The following SORCS1 variants were observed in gnomAD, a reference collection of about 807,000 sequenced individuals.
SORCS1 encodes the protein VPS10 domain-containing receptor SorCS1.
SORCS1 carries 60 observed loss-of-function variants against 146.1 expected under a neutral mutation model. The ratio of observed to expected loss-of-function variants is 0.41; its 90% CI spans 0.33 to 0.51. The LOEUF is 0.51. SORCS1 is among the 20% of genes least tolerant of loss of function. SORCS1 has a pLI of 0.21. For missense variants in SORCS1, 1,352 were observed against 1,487.6 expected, an observed-to-expected ratio of 0.91 and a Z score of 1.50; for synonymous variants, 637 against 584.0, an observed-to-expected ratio of 1.09 and a Z score of -1.31.
chr10:107,012,506 T>C (rs1345055334), intron 1 of SORCS1, among the ~76,000 whole-genome samples: 1 of 152,184 alleles, frequency 6.6e-6, no homozygotes. Flanking sequence ...ATATTAACTT[T>C]TATTTTCACC....
At chr10:107,006,218 G>A (rs569598148) in intron 1 of SORCS1, among the ~76,000 whole-genome samples, 1 of 152,252 alleles carries the variant, frequency 6.6e-6, no homozygotes, top group East Asian at 1.9e-4. Context: ...CAGGAGAGAG[G>A]GAGGCATGGA....
intron 1 of SORCS1, among the ~76,000 whole-genome samples, chr10:106,998,355 T>C (rs1267890541): frequency 1.3e-5 from 2 of 152,252 alleles, no homozygotes; most frequent in Non-Finnish European, 2.9e-5. Context: ...ATGGCCTTTC[T>C]TGTCATGAGG....
At chr10:107,026,766 A>C (rs926755286) in intron 1 of SORCS1, among the ~76,000 whole-genome samples, 1 of 152,082 alleles carries the variant, frequency 6.6e-6, no homozygotes, top group Non-Finnish European at 1.5e-5. Flanking sequence ...ATGACCCTTC[A>C]CATTGACAGT....
chr10:106,709,746 C>T (rs1335679170), intron 6 of SORCS1, among the ~76,000 whole-genome samples: 1 of 152,188 alleles, frequency 6.6e-6, no homozygotes, highest in Non-Finnish European at 1.5e-5. Context: ...CCGCGCCCAG[C>T]CACCATTTCC....
At chr10:107,014,946 C>T (rs575150340) in intron 1 of SORCS1, among the ~76,000 whole-genome samples, 2 of 152,222 alleles carry the variant, frequency 1.3e-5, no homozygotes, top group South Asian at 4.1e-4. Context: ...GTCAGGATCA[C>T]CCTTCCCTTG....
At chr10:106,923,135 C>T (rs1179493532) in intron 2 of SORCS1, among the ~76,000 whole-genome samples, 3 of 152,162 alleles carry the variant, frequency 2.0e-5, no homozygotes, top group East Asian at 1.9e-4. Flanking sequence ...GTGATCCGCC[C>T]GCCTCAGCAT....
intron 24 of SORCS1, among the ~76,000 whole-genome samples, chr10:106,596,167 C>G (rs1057196177): frequency 6.6e-6 from 1 of 152,068 alleles, no homozygotes; most frequent in Non-Finnish European, 1.5e-5. Context: ...GTTACGTAGT[C>G]TCTCTCTCTA....
intron 1 of SORCS1, among the ~76,000 whole-genome samples, chr10:107,002,023 C>T (rs1957244118): frequency 6.6e-6 from 1 of 152,042 alleles, no homozygotes; most frequent in Non-Finnish European, 1.5e-5. Flanking sequence ...AAAAAATATC[C>T]AAGAATACAT....
intron 2 of SORCS1, among the ~76,000 whole-genome samples, chr10:106,867,139 G>T (rs1001375960): frequency 2.0e-5 from 3 of 152,004 alleles, no homozygotes; most frequent in Non-Finnish European, 4.4e-5. Flanking sequence ...ATAATCATCA[G>T]ATTTTCCAAG....
chr10:106,801,685 A>T (rs1021739627), intron 3 of SORCS1, among the ~76,000 whole-genome samples: 1 of 151,832 alleles, frequency 6.6e-6, no homozygotes, highest in Admixed American at 6.6e-5. Context: ...GCCCGCCACC[A>T]CGCCCGGCTA....
intron 1 of SORCS1, among the ~76,000 whole-genome samples, chr10:107,123,500 A>T (rs17122123): frequency 0.085 from 12,957 of 152,266 alleles, 626 homozygotes; most frequent in African/African-American, 0.14. Context: ...ACTTAGCACA[A>T]GAGAGAAACA....
At chr10:106,685,214 G>A (rs972780174) in intron 10 of SORCS1, among the ~76,000 whole-genome samples, 4 of 152,084 alleles carry the variant, frequency 2.6e-5, no homozygotes, top group South Asian at 4.2e-4. Context: ...ATCCAAACGC[G>A]AAACTGTCAC....
chr10:106,908,880 TCCACCA>T (rs1240921145), intron 2 of SORCS1, among the ~76,000 whole-genome samples: 2 of 152,210 alleles, frequency 1.3e-5, no homozygotes, highest in African/African-American at 4.8e-5. Flanking sequence ...ATCTTCAGCC[TCCACCA>T]CCCAATTTCT....
chr10:107,046,294 A>G (rs1418539680), intron 1 of SORCS1, among the ~76,000 whole-genome samples: 1 of 151,204 alleles, frequency 6.6e-6, no homozygotes, highest in East Asian at 1.9e-4. Context: ...TTGGTCTTGA[A>G]CTCCTGGCCT....
At chr10:106,740,611 T>C (rs1857295904) in intron 5 of SORCS1, among the ~76,000 whole-genome samples, 1 of 152,150 alleles carries the variant, frequency 6.6e-6, no homozygotes, top group South Asian at 2.1e-4. Context: ...ATACAAGGCA[T>C]TTAGCTCCAT....
At chr10:107,054,820 A>G (rs1960444622) in intron 1 of SORCS1, among the ~76,000 whole-genome samples, 1 of 152,186 alleles carries the variant, frequency 6.6e-6, no homozygotes, top group Non-Finnish European at 1.5e-5. Context: ...CAAATTATTT[A>G]CCATCTCTTT....
intron 3 of SORCS1, among the ~76,000 whole-genome samples, chr10:106,822,802 T>TTTTTTTTTTTTG (rs994708912): frequency 1.2e-4 from 17 of 140,186 alleles, no homozygotes; most frequent in East Asian, 4.6e-4. Flanking sequence ...TTTTTTTTTT[T>TTTTTTTTTTTTG]GAATATTGCT....
chr10:106,932,278 A>C (rs1046824677), intron 2 of SORCS1, among the ~76,000 whole-genome samples: 1 of 152,192 alleles, frequency 6.6e-6, no homozygotes, highest in Admixed American at 6.5e-5. Flanking sequence ...ATTTTTAAAA[A>C]AACAAAGTAG....
At chr10:106,894,025 A>C (rs2137937189) in intron 2 of SORCS1, among the ~76,000 whole-genome samples, 1 of 152,340 alleles carries the variant, frequency 6.6e-6, no homozygotes. Flanking sequence ...GAGCTTCTTA[A>C]AAGAAAAAAA....
Sources: allele counts gnomAD v4.1 joint callset (sites outside exome capture counted in the v4.1 genomes callset), GRCh38; gene constraint gnomAD v4.1.1; transcripts MANE v1.5; gene names NCBI Gene and HGNC (gene_info 2026-07-23, HGNC 2026-07-21).